The following RABGAP1L variants were observed in gnomAD, a reference collection of about 807,000 sequenced individuals.
The protein encoded by RABGAP1L is RAB GTPase activating protein 1 like, also known as rab GTPase-activating protein 1-like.
A neutral mutation model predicts 137.7 loss-of-function variants in RABGAP1L; 63 were observed. The ratio of observed to expected loss-of-function variants is 0.46; its 90% confidence interval spans 0.37 to 0.56. The LOEUF (loss-of-function observed/expected upper bound fraction) is 0.56. Ranked by LOEUF, RABGAP1L falls within the 20% of genes least tolerant of loss-of-function variation. The probability of loss-of-function intolerance (pLI) is 0.00; values close to 1 mark genes in which losing one functional copy is unlikely to be tolerated. For missense variants in RABGAP1L, 1,095 were observed against 1,244.0 expected (o/e 0.88, Z 1.80); for synonymous variants, 431 against 433.7 (o/e 0.99, Z 0.08).
chr1:174,354,325 C>T (rs1405496860), intron 11 of RABGAP1L, among the ~76,000 whole-genome samples: 1 of 151,660 alleles, frequency 6.6e-6, no homozygotes, highest in Non-Finnish European at 1.5e-5. Flanking sequence ...GGAAGCTTTG[C>T]TTCTAGTCAC....
intron 18 of RABGAP1L, among the ~76,000 whole-genome samples, chr1:174,772,298 G>A (rs138627638): frequency 9.8e-4 from 149 of 151,860 alleles, no homozygotes; most frequent in African/African-American, 3.3e-3. Context: ...TACAATTTTG[G>A]TCAGGGCAGT....
At chr1:174,951,945 A>C (rs1326857648) in intron 19 of RABGAP1L, among the ~76,000 whole-genome samples, 1 of 152,176 alleles carries the variant, frequency 6.6e-6, no homozygotes, top group Non-Finnish European at 1.5e-5. Context: ...TAAAGTCAGA[A>C]TATGCCAAAG....
intron 17 of RABGAP1L, among the ~76,000 whole-genome samples, chr1:174,714,290 C>A (rs1680826116): frequency 1.3e-5 from 2 of 152,168 alleles, no homozygotes; most frequent in Non-Finnish European, 2.9e-5. Context: ...ATGGATACAT[C>A]CTTTTCCTTT....
At chr1:174,617,684 A>T (rs1356352270) in intron 13 of RABGAP1L, among the ~76,000 whole-genome samples, 1 of 152,244 alleles carries the variant, frequency 6.6e-6, no homozygotes, top group Non-Finnish European at 1.5e-5. Flanking sequence ...CCACATCCCC[A>T]GATAGAATAC....
chr1:174,957,995 A>G (rs1350301691), intron 20 of RABGAP1L: 43 of 1,557,904 alleles, frequency 2.8e-5, no homozygotes, highest in Non-Finnish European at 3.4e-5. Context: ...CTACTTTCAA[A>G]AATGAAACAA....
At chr1:174,162,006 T>G (rs1664507015) in intron 1 of RABGAP1L, among the ~76,000 whole-genome samples, 1 of 151,912 alleles carries the variant, frequency 6.6e-6, no homozygotes, top group South Asian at 2.1e-4. Context: ...GTGCTGGGAT[T>G]ACAGGCCTGA....
intron 6 of RABGAP1L, among the ~76,000 whole-genome samples, chr1:174,251,282 C>CT (rs1160359982): frequency 6.9e-6 from 1 of 144,646 alleles, no homozygotes; most frequent in Non-Finnish European, 1.5e-5. Context: ...TTTTTTTTTT[C>CT]TTTATGTTAA....
chr1:174,566,878 T>C (rs766249016), intron 13 of RABGAP1L, among the ~76,000 whole-genome samples: 24 of 152,260 alleles, frequency 1.6e-4, no homozygotes, highest in Non-Finnish European at 3.1e-4. Flanking sequence ...GAAACAACTA[T>C]GTAGAAAATT....
At chr1:174,182,236 GA>G (rs201091879) in intron 1 of RABGAP1L, among the ~76,000 whole-genome samples, 763 of 150,594 alleles carry the variant, frequency 5.1e-3, no homozygotes, top group Middle Eastern at 0.017. Flanking sequence ...GAGATTCGGG[GA>G]AAAAAAAATG....
intron 18 of RABGAP1L, among the ~76,000 whole-genome samples, chr1:174,791,811 A>G (rs925218566): frequency 7.9e-5 from 12 of 152,310 alleles, no homozygotes; most frequent in African/African-American, 2.9e-4. Flanking sequence ...TGGAAAAGAA[A>G]GTGCTTATCA....
chr1:174,872,783 C>G lies in RABGAP1L; in HGVS notation c.2340+60823C>G, dbSNP rs1308964578. 5.3e-5 allele frequency among the ~76,000 whole-genome samples: 8 copies of G among 151,960 alleles called. No individual in the cohort carries two copies. In the East Asian group the frequency reaches 1.6e-3, roughly 30 times the overall value. ...TTTATAATACTGGGCTCAAGCAGTC[C>G]TCCTCCCTCAGCCTCCCGGGATTAT... On this transcript the variant is annotated intron_variant, in intron 19 of 25. Coordinates refer to ENST00000681986, the MANE Select transcript of RABGAP1L (RefSeq NM_001366446.1).
intron 18 of RABGAP1L, among the ~76,000 whole-genome samples, chr1:174,796,208 A>C (rs1487376526): frequency 6.6e-6 from 1 of 152,164 alleles, no homozygotes; most frequent in African/African-American, 2.4e-5. Context: ...GTACATGCTT[A>C]TAATCCCAGC....
chr1:174,919,623 G>A (rs542910430), intron 19 of RABGAP1L, among the ~76,000 whole-genome samples: 47 of 152,312 alleles, frequency 3.1e-4, no homozygotes, highest in Non-Finnish European at 5.6e-4. Context: ...GGAGGCCAAG[G>A]TGGGAGGATT....
chr1:174,634,730 G>A (rs1276477308), intron 13 of RABGAP1L, among the ~76,000 whole-genome samples: 1 of 140,746 alleles, frequency 7.1e-6, no homozygotes, highest in African/African-American at 3.0e-5. Flanking sequence ...CATGTCCTTT[G>A]TAGGGACATG....
intron 19 of RABGAP1L, chr1:174,897,810 T>G (rs1007397262): frequency 6.6e-6 from 1 of 151,900 alleles, no homozygotes; most frequent in African/African-American, 2.4e-5. Context: ...GACAACATAG[T>G]GAAACCCTGT....
intron 14 of RABGAP1L, among the ~76,000 whole-genome samples, chr1:174,648,087 T>G (rs1217803521): frequency 1.3e-5 from 2 of 152,124 alleles, no homozygotes; most frequent in African/African-American, 4.8e-5. Context: ...ATTTGATTCT[T>G]CTCTCTTTTC....
chr1:174,600,815 A>G (rs1670348540), intron 13 of RABGAP1L, among the ~76,000 whole-genome samples: 1 of 152,116 alleles, frequency 6.6e-6, no homozygotes, highest in South Asian at 2.1e-4. Flanking sequence ...CTGTCCGTGG[A>G]TCTACCATTC....
chr1:174,176,830 A>G (rs1258154111), intron 1 of RABGAP1L, among the ~76,000 whole-genome samples: 1 of 150,002 alleles, frequency 6.7e-6, no homozygotes, highest in African/African-American at 2.4e-5. Flanking sequence ...GTGTAATCCC[A>G]GCACTTTGAG....
At chr1:174,860,259 A>G (rs1650062093) in intron 19 of RABGAP1L, among the ~76,000 whole-genome samples, 1 of 152,122 alleles carries the variant, frequency 6.6e-6, no homozygotes, top group African/African-American at 2.4e-5. Flanking sequence ...AACTCGCAAC[A>G]CAATATTAAA....
Sources: gnomAD v4.1 joint callset for allele counts (sites outside exome capture counted in the v4.1 genomes callset) on GRCh38, gnomAD v4.1.1 for gene constraint, MANE v1.5 for transcripts, NCBI Gene and HGNC (gene_info 2026-07-23, HGNC 2026-07-21) for gene names.